The following CNTNAP2 variants were observed in gnomAD, a reference collection of about 807,000 sequenced individuals.
CNTNAP2 encodes contactin associated protein 2.
A neutral mutation model predicts 155.2 loss-of-function variants in CNTNAP2; 98 were observed. The ratio of observed to expected loss-of-function variants is 0.63; its 90% CI spans 0.54 to 0.75. The LOEUF (loss-of-function observed/expected upper bound fraction) is 0.75. CNTNAP2 is among the 30% of genes least tolerant of loss of function. The probability of loss-of-function intolerance (pLI) is 0.00; values close to 1 mark genes in which losing one functional copy is unlikely to be tolerated. For synonymous variants in CNTNAP2, 651 were observed against 631.2 expected, an observed-to-expected ratio of 1.03 and a Z score of -0.47; for missense variants, 1,727 against 1,688.1, an observed-to-expected ratio of 1.02 and a Z score of -0.40.
At chr7:146,410,444 C>A (rs1238129559) in intron 1 of CNTNAP2, among the ~76,000 whole-genome samples, 2 of 152,104 alleles carry the variant, frequency 1.3e-5, no homozygotes, top group African/African-American at 4.8e-5. Context: ...TCACTAATAT[C>A]AATTAAATGG....
chr7:146,700,266 C>T (rs1800852926), intron 1 of CNTNAP2, among the ~76,000 whole-genome samples: 1 of 152,030 alleles, frequency 6.6e-6, no homozygotes, highest in African/African-American at 2.4e-5. Flanking sequence ...TCTGTGTGTT[C>T]ACCTGTCCTT....
chr7:147,885,239 C>G (rs1339147514), intron 13 of CNTNAP2, among the ~76,000 whole-genome samples: 1 of 152,148 alleles, frequency 6.6e-6, no homozygotes, highest in South Asian at 2.1e-4. Context: ...CAGAAAGTCT[C>G]AATATTAAGG....
chr7:146,641,051 G>T (rs929356571), intron 1 of CNTNAP2, among the ~76,000 whole-genome samples: 1 of 152,326 alleles, frequency 6.6e-6, no homozygotes, highest in Admixed American at 6.5e-5. Flanking sequence ...ACTTGTCCAG[G>T]CACGGTGGCT....
At chr7:147,604,931 A>G (rs1801032998) in intron 12 of CNTNAP2, among the ~76,000 whole-genome samples, 2 of 152,170 alleles carry the variant, frequency 1.3e-5, no homozygotes. Flanking sequence ...ATAGTCTTCA[A>G]TAAATGCTTC....
chr7:146,893,911 T>C (rs1181225047), intron 3 of CNTNAP2, among the ~76,000 whole-genome samples: 1 of 152,210 alleles, frequency 6.6e-6, no homozygotes, highest in Admixed American at 6.5e-5. Context: ...TTGTGGAAGA[T>C]GGGTACAAAC....
chr7:148,105,682 G>C (rs991178250), intron 15 of CNTNAP2, among the ~76,000 whole-genome samples: 2 of 151,986 alleles, frequency 1.3e-5, no homozygotes, highest in African/African-American at 4.8e-5. Context: ...CCACCTCCCA[G>C]GTTCAAGTGA....
At chr7:147,585,158 G>A (rs727639) in intron 12 of CNTNAP2, among the ~76,000 whole-genome samples, 113,252 of 152,024 alleles carry the variant, frequency 0.74, 42,933 homozygotes, top group African/African-American at 0.88. Context: ...TCCATATGTC[G>A]GTTCCAAATC....
At chr7:147,264,505 C>T (rs1319849866) in intron 8 of CNTNAP2, among the ~76,000 whole-genome samples, 1 of 134,564 alleles carries the variant, frequency 7.4e-6, no homozygotes, top group Non-Finnish European at 1.6e-5. Flanking sequence ...ATCTGAGCTG[C>T]AGGAGGAGCA....
chr7:147,493,551 C>T (rs1205884312), intron 11 of CNTNAP2, among the ~76,000 whole-genome samples: 1 of 152,134 alleles, frequency 6.6e-6, no homozygotes, highest in Admixed American at 6.6e-5. Flanking sequence ...GGAATAGATA[C>T]TGGAGTGTGA....
intron 1 of CNTNAP2, among the ~76,000 whole-genome samples, chr7:146,324,179 T>A (rs1291967179): frequency 6.6e-6 from 1 of 152,098 alleles, no homozygotes; most frequent in Non-Finnish European, 1.5e-5. Context: ...GGAGATTTGC[T>A]TGAACCCAGG....
At chr7:147,754,017 T>G (rs1345879034) in intron 13 of CNTNAP2, among the ~76,000 whole-genome samples, 1 of 152,124 alleles carries the variant, frequency 6.6e-6, no homozygotes, top group East Asian at 1.9e-4. Context: ...CAGCCCTAAG[T>G]ACCACTGCAG....
intron 13 of CNTNAP2, among the ~76,000 whole-genome samples, chr7:147,698,486 A>G (rs1796192312): frequency 6.6e-6 from 1 of 152,192 alleles, no homozygotes; most frequent in Non-Finnish European, 1.5e-5. Flanking sequence ...ATGAAAAAAA[A>G]TCATTTCTTC....
At chr7:147,662,663 A>G (rs1324408577) in intron 13 of CNTNAP2, among the ~76,000 whole-genome samples, 1 of 152,142 alleles carries the variant, frequency 6.6e-6, no homozygotes, top group Admixed American at 6.5e-5. Context: ...CCTACTGGTG[A>G]TAACTTGCTA....
intron 1 of CNTNAP2, among the ~76,000 whole-genome samples, chr7:146,593,203 C>T (rs1041775914): frequency 1.3e-4 from 19 of 151,554 alleles, no homozygotes; most frequent in Middle Eastern, 3.4e-3. Context: ...ACTGGTGATA[C>T]CCTGAAAGTC....
chr7:146,683,747 T>C (rs1800546073), intron 1 of CNTNAP2, among the ~76,000 whole-genome samples: 1 of 152,198 alleles, frequency 6.6e-6, no homozygotes, highest in Non-Finnish European at 1.5e-5. Context: ...CCTATTAAGA[T>C]ATTAAGCCTA....
At chr7:146,707,943 G>A (rs1800994549) in intron 1 of CNTNAP2, among the ~76,000 whole-genome samples, 1 of 151,944 alleles carries the variant, frequency 6.6e-6, no homozygotes, top group Admixed American at 6.6e-5. Context: ...AATTCAAAGC[G>A]ACATTTTTGA....
At chr7:146,496,620 A>C (rs890030411) in intron 1 of CNTNAP2, among the ~76,000 whole-genome samples, 8 of 152,126 alleles carry the variant, frequency 5.3e-5, no homozygotes, top group African/African-American at 1.9e-4. Context: ...GTTGGAAGCT[A>C]TTGCCTTCCT....
chr7:146,885,443 T>C (rs1227020380), intron 3 of CNTNAP2, among the ~76,000 whole-genome samples: 2 of 152,190 alleles, frequency 1.3e-5, no homozygotes, highest in East Asian at 3.9e-4. Flanking sequence ...ATTTAAACAG[T>C]GTTAGGAAAT....
chr7:146,977,564 G>T (rs1797935743), intron 3 of CNTNAP2, among the ~76,000 whole-genome samples: 1 of 152,136 alleles, frequency 6.6e-6, no homozygotes. Flanking sequence ...AGACAGTGTT[G>T]AGACCAGAGC....
Sources: allele counts gnomAD v4.1 joint callset (sites outside exome capture counted in the v4.1 genomes callset), GRCh38; gene constraint gnomAD v4.1.1; transcripts MANE v1.5; gene names NCBI Gene and HGNC (gene_info 2026-07-23, HGNC 2026-07-21).